Variants in R3HDM2 observed in about 807,000 individuals in gnomAD.
The protein encoded by R3HDM2 is R3H domain containing 2.
R3HDM2 carries 38 observed loss-of-function variants against 124.5 expected under a neutral mutation model. That is an observed-to-expected ratio of 0.31 (90% confidence interval 0.24 to 0.40). R3HDM2 has a LOEUF of 0.40. R3HDM2 is among the 10% of genes least tolerant of loss of function. The pLI, the probability that R3HDM2 is intolerant of heterozygous loss-of-function variation, is 1.00. For synonymous variants in R3HDM2, 391 were observed against 448.0 expected, an observed-to-expected ratio of 0.87 and a Z score of 1.61; for missense variants, 869 against 1,236.9, an observed-to-expected ratio of 0.70 and a Z score of 4.46.
At chr12:57,274,607 C>T (rs188773755) in intron 14 of R3HDM2, among the ~76,000 whole-genome samples, 113 of 152,292 alleles carry the variant, frequency 7.4e-4, no homozygotes, top group South Asian at 6.6e-3. Context: ...GGCAGTGATA[C>T]GGGCAGGGAT....
intron 2 of R3HDM2, among the ~76,000 whole-genome samples, chr12:57,311,442 G>A (rs928782099): frequency 6.6e-6 from 1 of 151,966 alleles, no homozygotes; most frequent in Non-Finnish European, 1.5e-5. Flanking sequence ...TAGCCAGGAT[G>A]GTCTTGATCT....
intron 2 of R3HDM2, among the ~76,000 whole-genome samples, chr12:57,380,634 G>A (rs1183290495): frequency 6.6e-6 from 1 of 152,058 alleles, no homozygotes; most frequent in Admixed American, 6.6e-5. Flanking sequence ...TAAAACTCTT[G>A]GTGACCTCAA....
chr12:57,282,723 C>G (rs2046465234), intron 13 of R3HDM2, among the ~76,000 whole-genome samples: 1 of 151,992 alleles, frequency 6.6e-6, no homozygotes, highest in South Asian at 2.1e-4. Context: ...GTTTGGGCGC[C>G]AGTGTCATAA....
chr12:57,370,397 C>CGGGGGGGGGGGGG (rs796109483), intron 2 of R3HDM2, among the ~76,000 whole-genome samples: 1 of 62,676 alleles, frequency 1.6e-5, no homozygotes, highest in African/African-American at 7.8e-5. Flanking sequence ...TTGGGAGGCC[C>CGGGGGGGGGGGGG]GGGGGGGGGG....
chr12:57,299,697 C>T (rs2050683683), intron 5 of R3HDM2, among the ~76,000 whole-genome samples: 1 of 152,160 alleles, frequency 6.6e-6, no homozygotes. Context: ...GCTCAAATTA[C>T]ACAGGCCGTT....
chr12:57,256,468 A>G lies in R3HDM2; in HGVS notation c.2493T>C (p.Asn831=). ...GGAGCAAGGGAGGGCAGATGGACAG[A>G]TTGTACTGTAATGGCTGGCCCAAAA... ...YSLLGQPLQY[N]LSICPPLLHG... is the part of the protein sequence containing the mutation. The change falls in exon 22 of 24, where the codon AAT becomes AAC. Residue 831 remains asparagine (N), a synonymous_variant. Transcript: ENST00000402412. 6.3e-7 allele frequency: 1 copy of G among 1,599,062 alleles called. No individual in the cohort carries two copies. Among genetic ancestry groups the G allele is most frequent in the East Asian group, 2.3e-5 (1 of 44,332 alleles).
At chr12:57,266,670 G>C in intron 19 of R3HDM2, 61 bp downstream of exon 19, 7 of 1,336,390 alleles carry the variant, frequency 5.2e-6, no homozygotes, top group Non-Finnish European at 7.5e-6. Context: ...CTAGAGCACA[G>C]GCCCTTCAGC....
chr12:57,382,231 C>T (rs2064999061), intron 2 of R3HDM2, among the ~76,000 whole-genome samples: 1 of 151,850 alleles, frequency 6.6e-6, no homozygotes, highest in Non-Finnish European at 1.5e-5. Flanking sequence ...CCTCCTACCT[C>T]AGTCTCCCAA....
At chr12:57,316,148 G>A (rs1056910917) in intron 2 of R3HDM2, among the ~76,000 whole-genome samples, 5 of 152,192 alleles carry the variant, frequency 3.3e-5, no homozygotes, top group African/African-American at 7.2e-5. Flanking sequence ...TTGAAGAGCT[G>A]TATAAAACAA....
At chr12:57,337,441 G>A (rs1179095048) in intron 2 of R3HDM2, among the ~76,000 whole-genome samples, 1 of 151,960 alleles carries the variant, frequency 6.6e-6, no homozygotes, top group Non-Finnish European at 1.5e-5. Flanking sequence ...ATGAGCCACC[G>A]TGCCCAGCCC....
rs541960924 is a variant in R3HDM2, at chr12:57,428,388, T to C, written c.-106+2332A>G. Among the ~76,000 whole-genome samples, 11 of 151,830 alleles carry C rather than the reference T, an allele frequency of 7.2e-5. No homozygotes were observed. In the East Asian group the frequency reaches 2.1e-3, roughly 29 times the overall value. ...GGCTCATGCCTGTAATCCCAGCACTTTGGGAGGCCGAGGTGGGCAGATCAC... is the reference window on the plus strand; with the variant it reads ...GGCTCATGCCTGTAATCCCAGCACTCTGGGAGGCCGAGGTGGGCAGATCAC... On this transcript the variant is annotated intron_variant, in intron 1 of 23. Coordinates refer to ENST00000402412, the MANE Select transcript of R3HDM2 (RefSeq NM_001394031.1).
intron 14 of R3HDM2, among the ~76,000 whole-genome samples, chr12:57,277,118 GA>G (rs2044999727): frequency 7.8e-6 from 1 of 128,866 alleles, no homozygotes; most frequent in South Asian, 2.5e-4. Context: ...AAAAAAAAAA[GA>G]CTGCCCTGAG....
chr12:57,361,375 CAAAAAAAA>C (rs71084747), intron 2 of R3HDM2, among the ~76,000 whole-genome samples: 1 of 57,356 alleles, frequency 1.7e-5, no homozygotes, highest in African/African-American at 5.8e-5. Context: ...AACTCTGTCT[CAAAAAAAA>C]AAAAAAAAAA....
intron 1 of R3HDM2, among the ~76,000 whole-genome samples, chr12:57,408,588 A>G (rs2068736545): frequency 1.3e-5 from 2 of 152,072 alleles, no homozygotes; most frequent in South Asian, 4.1e-4. Context: ...AAACAAAACA[A>G]TAAGGGAGGT....
chr12:57,303,185 T>C lies in R3HDM2; in HGVS notation c.198A>G (p.Lys66=). 2.0e-6 allele frequency: 3 copies of C among 1,528,150 alleles called. No individual in the cohort carries two copies. Among genetic ancestry groups the C allele is most frequent in the Non-Finnish European group, 2.7e-6 (3 of 1,125,590 alleles). 94.7% of individuals were successfully genotyped at this position (1,528,150 alleles called of 1,614,324 possible). A position where few individuals can be genotyped will look rare whatever the true frequency, so the allele number is the denominator to read the frequency against. ...GAGGAAGGGCTCTCACCTTGGCTCT[T>C]TTCCTGGCATGACCATGGTTAGATG... The part of the protein sequence containing the change: ...RRTSNHGHAR[K]RAKSNSKLKL... The change falls in exon 4 of 24, where the codon AAA becomes AAG. Residue 66 remains lysine (K), a synonymous_variant. Transcript: ENST00000402412.
chr12:57,389,467 T>C (rs1430124228), intron 2 of R3HDM2, among the ~76,000 whole-genome samples: 1 of 152,236 alleles, frequency 6.6e-6, no homozygotes, highest in Non-Finnish European at 1.5e-5. Flanking sequence ...CAAAGGAATA[T>C]TTCAAATGTT....
intron 11 of R3HDM2, among the ~76,000 whole-genome samples, chr12:57,290,286 T>C (rs957812306): frequency 6.6e-6 from 1 of 152,200 alleles, no homozygotes; most frequent in Non-Finnish European, 1.5e-5. Flanking sequence ...ACATCACAGA[T>C]AGTCAGCTAG....
At chr12:57,279,451 G>A (rs1306204761) in intron 14 of R3HDM2, among the ~76,000 whole-genome samples, 2 of 150,120 alleles carry the variant, frequency 1.3e-5, no homozygotes, top group Non-Finnish European at 3.0e-5. Flanking sequence ...CCAAAGTGCT[G>A]GGATTACAGG....
chr12:57,384,656 G>A (rs1026523214), intron 2 of R3HDM2, among the ~76,000 whole-genome samples: 1 of 152,150 alleles, frequency 6.6e-6, no homozygotes, highest in Non-Finnish European at 1.5e-5. Context: ...GGCTTGAGAA[G>A]AATCTAGAGA....
Sources: allele counts gnomAD v4.1 joint callset (sites outside exome capture counted in the v4.1 genomes callset), GRCh38; gene constraint gnomAD v4.1.1; transcripts MANE v1.5; gene names NCBI Gene and HGNC (gene_info 2026-07-23, HGNC 2026-07-21).